GPR155: variants seen among roughly 807,000 people sequenced by gnomAD.
GPR155 encodes G protein-coupled receptor 155, also known as lysosomal cholesterol signaling protein.
Under a neutral mutation model 93.1 loss-of-function variants are expected in GPR155, and 65 were observed. That is an observed-to-expected ratio of 0.70 (90% confidence interval 0.57 to 0.86). The LOEUF (loss-of-function observed/expected upper bound fraction) is 0.86, where lower values mean the gene tolerates loss of function less well. Ranked by LOEUF, GPR155 falls within the 40% of genes least tolerant of loss-of-function variation. The probability of loss-of-function intolerance (pLI) is 0.00; values close to 1 mark genes in which losing one functional copy is unlikely to be tolerated. For missense variants in GPR155, 838 were observed against 1,034.8 expected (o/e 0.81, Z 2.61); for synonymous variants, 319 against 360.1 (o/e 0.89, Z 1.29).
rs1005985933 is a variant in GPR155, at chr2:174,434,630, G to C, written c.*1486C>G. The C allele has an allele frequency of 1.3e-5, 2 of 151,916 alleles. No individual in the cohort carries two copies. The highest frequency in any genetic ancestry group is 2.9e-5 in the Non-Finnish European group (2 of 68,008). 9.4% of individuals were successfully genotyped at this position (151,916 alleles called of 1,614,324 possible). A position where few individuals can be genotyped will look rare whatever the true frequency, so the allele number is the denominator to read the frequency against. On this transcript the variant is annotated 3_prime_UTR_variant, in exon 16 of 16. Transcript: ENST00000392552. ...TTGCTTGTTTTTTGTTTTTGAGACA[G>C]GGTCTTGCTCTGTCACCCAGGTTGA...
intron 10 of GPR155, among the ~76,000 whole-genome samples, chr2:174,459,076 CTG>C (rs1369992880): frequency 6.6e-6 from 1 of 152,052 alleles, no homozygotes; most frequent in African/African-American, 2.4e-5. Flanking sequence ...GAGCGAGACT[CTG>C]TGGCAAAAAT....
intron 1 of GPR155, among the ~76,000 whole-genome samples, chr2:174,483,784 C>T (rs910333576): frequency 1.3e-4 from 19 of 151,984 alleles, no homozygotes; most frequent in African/African-American, 4.4e-4. Flanking sequence ...GGGGTTTCTC[C>T]ATGTTGGTCA....
chr2:174,470,567 A>G lies in GPR155; in HGVS notation c.861-12T>C. ...GTGGCAGCACCAGACTGAAGAAAAAAGAAAAACATCATTTACCTGATATCA... is the reference window on the plus strand; with the variant it reads ...GTGGCAGCACCAGACTGAAGAAAAAGGAAAAACATCATTTACCTGATATCA... On this transcript the variant is annotated splice_polypyrimidine_tract_variant and intron_variant, in intron 3 of 15. Transcript: ENST00000392552. 1 of 1,608,560 alleles carries G rather than the reference A, an allele frequency of 6.2e-7. No homozygotes were observed. The highest frequency in any genetic ancestry group is 8.5e-7 in the Non-Finnish European group (1 of 1,178,186).
chr2:174,438,151 AG>A (rs1686845118), intron 15 of GPR155, among the ~76,000 whole-genome samples: 1 of 152,018 alleles, frequency 6.6e-6, no homozygotes, highest in Non-Finnish European at 1.5e-5. Context: ...CCAGCTTCTC[AG>A]AAGGCTGAGC....
chr2:174,449,828 T>A (rs1469595473), intron 11 of GPR155, among the ~76,000 whole-genome samples: 1 of 151,886 alleles, frequency 6.6e-6, no homozygotes, highest in African/African-American at 2.4e-5. Flanking sequence ...ATATAAAAAT[T>A]AGCCGGGCAT....
intron 3 of GPR155, 36 bp from the exon 4 acceptor site, chr2:174,470,591 C>A: frequency 1.3e-6 from 2 of 1,593,662 alleles, no homozygotes; most frequent in Non-Finnish European, 1.7e-6. Context: ...TACCTGATAT[C>A]AAAGCATGGT....
chr2:174,480,003 C>T (rs1273141584), intron 2 of GPR155, among the ~76,000 whole-genome samples: 1 of 152,040 alleles, frequency 6.6e-6, no homozygotes, highest in Non-Finnish European at 1.5e-5. Context: ...AGAGGAAAGT[C>T]AAAAGTAGAG....
chr2:174,454,854 G>A (rs1302326826), intron 10 of GPR155, among the ~76,000 whole-genome samples: 1 of 129,292 alleles, frequency 7.7e-6, no homozygotes, highest in East Asian at 2.1e-4. Context: ...AAGGAAGGAA[G>A]GGAAGGAAGG....
At chr2:174,484,248 A>G (rs1239235896) in intron 1 of GPR155, among the ~76,000 whole-genome samples, 2 of 152,270 alleles carry the variant, frequency 1.3e-5, no homozygotes, top group East Asian at 3.8e-4. Context: ...GCATCAAATT[A>G]TATCTTGGGA....
Position 174,453,758 on chromosome 2 carries a change from C to T in GPR155, c.1855G>A (p.Val619Met), listed in dbSNP as rs764319716. ...TTACTTTTCTCAAACGAAGGAATCA[C>T]AGGCTCACTGGTGCTTGTGTTTGCT... ...PIANTSTSEP[V>M]IPSFEKNNHC... The change falls in exon 11 of 16, where the codon GTG becomes ATG. Residue 619 changes from valine to methionine, a missense_variant. Physicochemically the swap from Val to Met is conservative, Grantham distance 21. Transcript: ENST00000392552. 2 of 1,607,320 alleles carry T rather than the reference C, an allele frequency of 1.2e-6. No individual in the cohort carries two copies. The highest frequency in any genetic ancestry group is 1.7e-6 in the Non-Finnish European group (2 of 1,174,778).
intron 11 of GPR155, among the ~76,000 whole-genome samples, chr2:174,448,509 G>GTT (rs1687210836): frequency 7.5e-6 from 1 of 133,562 alleles, no homozygotes; most frequent in East Asian, 2.3e-4. Flanking sequence ...ATACTGGGAA[G>GTT]TTTTTTGTTT....
rs1051705598 is a variant in GPR155 at position 174,442,110 on chromosome 2, T to C, written c.2174+9A>G. ...TACAGATACAGATTTATTTCAAAAC[T>C]TAATTTACCTTCTTTTGAAAGGCAG... On this transcript the variant is annotated intron_variant, in intron 14 of 15. Transcript: ENST00000392552. 20 of 1,260,616 alleles carry C rather than the reference T, an allele frequency of 1.6e-5. No individual in the cohort carries two copies. The East Asian group carries it at 3.0e-4, about 19-fold the overall frequency. The allele number at this position is 1,260,616 out of a possible 1,614,324, so 78.1% of individuals were successfully genotyped here. A position where few individuals can be genotyped will look rare whatever the true frequency, so the allele number is the denominator to read the frequency against.
intron 14 of GPR155, among the ~76,000 whole-genome samples, chr2:174,440,844 C>T (rs1686936992): frequency 6.6e-6 from 1 of 152,038 alleles, no homozygotes; most frequent in South Asian, 2.1e-4. Flanking sequence ...TCAAAGAAAC[C>T]CTTCACTAAG....
intron 15 of GPR155, among the ~76,000 whole-genome samples, chr2:174,438,081 T>TC (rs1162473034): frequency 1.3e-5 from 2 of 151,520 alleles, no homozygotes; most frequent in Non-Finnish European, 2.9e-5. Flanking sequence ...ATGGCAAAAC[T>TC]CCATCTCTAC....
chr2:174,451,270 C>T (rs547387006), intron 11 of GPR155, among the ~76,000 whole-genome samples: 9 of 151,234 alleles, frequency 6.0e-5, no homozygotes, highest in Middle Eastern at 3.2e-3. Context: ...GCCAAGACTG[C>T]GCCACTGCAC....
At chr2:174,447,973 GAAAC>G (rs1247533369) in intron 11 of GPR155, among the ~76,000 whole-genome samples, 7 of 151,814 alleles carry the variant, frequency 4.6e-5, no homozygotes, top group Non-Finnish European at 7.4e-5. Flanking sequence ...GGCTAACTGT[GAAAC>G]AAATTATTAT....
chr2:174,436,423 C>A lies in GPR155; in HGVS notation c.2313-7G>T. 1 of 1,612,912 alleles carries A rather than the reference C, an allele frequency of 6.2e-7. No individual in the cohort carries two copies. Among genetic ancestry groups the A allele is most frequent in the South Asian group, 1.1e-5 (1 of 91,040 alleles). On this transcript the variant is annotated splice_polypyrimidine_tract_variant and splice_region_variant and intron_variant, in intron 15 of 15. Transcript: ENST00000392552. ...AGAAGTCTTTGCACCACACCTGTGTCAAAGGAATGATTCACCCATATTTTC... is the reference window on the plus strand; with the variant it reads ...AGAAGTCTTTGCACCACACCTGTGTAAAAGGAATGATTCACCCATATTTTC...
Position 174,473,351 on chromosome 2 carries a change from A to T in GPR155, c.474T>A (p.Tyr158Ter). The T allele has an allele frequency of 6.3e-7, 1 of 1,577,512 alleles. No individual in the cohort carries two copies. Among genetic ancestry groups the T allele is most frequent in the East Asian group, 2.2e-5 (1 of 44,646 alleles). Residue 158 changes from tyrosine (Y) to a stop codon, truncating the protein, a stop_gained, in exon 3 of 16, where the codon TAT becomes TAA. Transcript: ENST00000392552. LOFTEE classifies it high-confidence loss of function. ...GGAGATATTCTGGGTATGTAGTTTGATATAAAGCTTCAACTGCAAAACAAG... is the reference window on the plus strand; with the variant it reads ...GGAGATATTCTGGGTATGTAGTTTGTTATAAAGCTTCAACTGCAAAACAAG... ...ALGYPIVEAL[Y>*]QTTYPEYLQY...
At chr2:174,471,186 T>C (rs911484092) in intron 3 of GPR155, among the ~76,000 whole-genome samples, 1 of 150,888 alleles carries the variant, frequency 6.6e-6, no homozygotes, top group Non-Finnish European at 1.5e-5. Flanking sequence ...AGGTCAGGAG[T>C]TGAAGACCAG....
Sources: gnomAD v4.1 joint callset for allele counts (sites outside exome capture counted in the v4.1 genomes callset) on GRCh38, gnomAD v4.1.1 for gene constraint, MANE v1.5 for transcripts, NCBI Gene and HGNC (gene_info 2026-07-23, HGNC 2026-07-21) for gene names.